FARP1: variants seen among roughly 807,000 people sequenced by gnomAD.
FARP1 encodes FERM, ARH/RhoGEF and pleckstrin domain protein 1.
In FARP1, 52 loss-of-function variants were observed where a neutral mutation model predicts 128.8. The ratio of observed to expected loss-of-function variants is 0.40; its 90% CI spans 0.32 to 0.51. FARP1 has a LOEUF of 0.51. FARP1 is among the 20% of genes least tolerant of loss of function. The probability of loss-of-function intolerance (pLI) is 0.45; values close to 1 mark genes in which losing one functional copy is unlikely to be tolerated. For synonymous variants in FARP1, 580 were observed against 551.8 expected (o/e 1.05, Z -0.72); for missense variants, 1,333 against 1,367.9 (o/e 0.97, Z 0.40).
At chr13:98,153,043 T>C (rs889519649) in intron 1 of FARP1, among the ~76,000 whole-genome samples, 6 of 151,888 alleles carry the variant, frequency 4.0e-5, no homozygotes, top group African/African-American at 1.5e-4. Context: ...ACATTTAATA[T>C]TGTTAGGAAC....
intron 1 of FARP1, among the ~76,000 whole-genome samples, chr13:98,163,527 T>C (rs1326402151): frequency 1.3e-4 from 20 of 148,364 alleles, no homozygotes; most frequent in Admixed American, 9.6e-4. Context: ...TCAAATCAAA[T>C]CCTTATTTGT....
chr13:98,343,467 A>C lies in FARP1; in HGVS notation c.172-295A>C, dbSNP rs149104086. Among the ~76,000 whole-genome samples the C allele has an allele frequency of 1.2e-3, 183 of 152,332 alleles. 1 individual carries two copies. The highest frequency in any genetic ancestry group is 3.3e-3 in the Admixed American group (50 of 15,300). ...AGAAGTTTTTGCTCAACTTTTTGTA[A>C]ACCTAAAACTACTCTAAAAAAATAG... is the stretch of plus-strand genomic sequence containing the variant. On this transcript the variant is annotated intron_variant, in intron 2 of 26. Coordinates refer to ENST00000319562, the MANE Select transcript of FARP1 (RefSeq NM_005766.4).
chr13:98,248,790 G>T (rs1883191388), intron 2 of FARP1, among the ~76,000 whole-genome samples: 1 of 151,868 alleles, frequency 6.6e-6, no homozygotes, highest in Non-Finnish European at 1.5e-5. Flanking sequence ...TCTAGTTAGT[G>T]CCGTGATTTG....
rs1355383245 is a variant in FARP1, at chr13:98,454,313, G to GGT, written c.*5997_*5998dup. The GGT allele has an allele frequency of 3.3e-5, 5 of 152,106 alleles. No individual in the cohort carries two copies. The East Asian group carries it at 9.6e-4, about 29-fold the overall frequency. 9.4% of individuals were successfully genotyped at this position (152,106 alleles called of 1,614,324 possible). ...AGAAGACAACAAAGGGTGAGAACGG[G>GGT]GTCCCCTCATGACCACAATTCCCTC... On this transcript the variant is annotated 3_prime_UTR_variant, in exon 27 of 27. Transcript: ENST00000319562.
In FARP1 at chr13:98,449,490, CGA is replaced by C. The variant is rs962144180; in HGVS notation, c.*1177_*1178del. The C allele has an allele frequency of 1.3e-5, 2 of 152,300 alleles. No individual in the cohort carries two copies. Among genetic ancestry groups the C allele is most frequent in the Admixed American group, 6.6e-5 (1 of 15,264 alleles). The allele number at this position is 152,300 out of a possible 1,614,324, so 9.4% of individuals were successfully genotyped here. On this transcript the variant is annotated 3_prime_UTR_variant, in exon 27 of 27. Transcript: ENST00000319562. ...CTTGGTTTTCCTAAGCCCTTTCTAA[CGA>C]GAGTCTCAAACAAGCGGAGGCGAGG...
chr13:98,163,738 C>T (rs1289872842), intron 1 of FARP1, among the ~76,000 whole-genome samples: 1 of 144,614 alleles, frequency 6.9e-6, no homozygotes, highest in Non-Finnish European at 1.5e-5. Flanking sequence ...GACGGAGTTT[C>T]GCTCTTGTCG....
chr13:98,230,403 C>T, intron 2 of FARP1, among the ~76,000 whole-genome samples: 1 of 152,126 alleles, frequency 6.6e-6, no homozygotes, highest in East Asian at 1.9e-4. Context: ...TAAAAGCTTC[C>T]ATCAGTCAAC....
intron 2 of FARP1, among the ~76,000 whole-genome samples, chr13:98,227,517 C>G (rs1256173683): frequency 6.6e-6 from 1 of 150,932 alleles, no homozygotes; most frequent in Non-Finnish European, 1.5e-5. Context: ...ACTCTGTGCA[C>G]TGTTGGTGAG....
At chr13:98,247,412 A>G (rs1232126443) in intron 2 of FARP1, among the ~76,000 whole-genome samples, 7 of 152,286 alleles carry the variant, frequency 4.6e-5, no homozygotes, top group Admixed American at 4.6e-4. Flanking sequence ...AGAAAGTCAC[A>G]CTAAGCTCTA....
At chr13:98,380,918 T>C (rs1452818326) in intron 6 of FARP1, among the ~76,000 whole-genome samples, 1 of 151,894 alleles carries the variant, frequency 6.6e-6, no homozygotes, top group Non-Finnish European at 1.5e-5. Context: ...AAAAAGTAAA[T>C]TAAAAAAAAT....
chr13:98,317,673 C>T (rs1307674137), intron 2 of FARP1, among the ~76,000 whole-genome samples: 1 of 152,202 alleles, frequency 6.6e-6, no homozygotes, highest in African/African-American at 2.4e-5. Flanking sequence ...TTAGGTGGGG[C>T]TGTCATAACC....
intron 2 of FARP1, among the ~76,000 whole-genome samples, chr13:98,253,245 T>C (rs916216097): frequency 6.6e-6 from 1 of 152,224 alleles, no homozygotes; most frequent in Non-Finnish European, 1.5e-5. Flanking sequence ...TGGCAAGTAG[T>C]CCTGAGTTTA....
chr13:98,203,266 A>G (rs1457451486), intron 1 of FARP1, among the ~76,000 whole-genome samples: 1 of 152,158 alleles, frequency 6.6e-6, no homozygotes, highest in African/African-American at 2.4e-5. Flanking sequence ...ACAAATCGTA[A>G]CTTTGACCTG....
At chr13:98,425,787 A>G (rs1157548593) in intron 17 of FARP1, among the ~76,000 whole-genome samples, 2 of 152,212 alleles carry the variant, frequency 1.3e-5, no homozygotes, top group African/African-American at 4.8e-5. Flanking sequence ...TTAATACTCT[A>G]CCACATTTAA....
chr13:98,360,461 C>T (rs899719347), intron 3 of FARP1, among the ~76,000 whole-genome samples: 5 of 105,914 alleles, frequency 4.7e-5, no homozygotes, highest in Non-Finnish European at 9.3e-5. Context: ...TTAAAAGAGG[C>T]CACTTGGACA....
chr13:98,438,030 G>A (rs1177272795), intron 19 of FARP1, among the ~76,000 whole-genome samples: 2 of 152,216 alleles, frequency 1.3e-5, no homozygotes, highest in African/African-American at 4.8e-5. Context: ...GGTGGCGATG[G>A]TGGGGCTACC....
chr13:98,316,137 AGT>A (rs1277520196), intron 2 of FARP1, among the ~76,000 whole-genome samples: 1 of 152,118 alleles, frequency 6.6e-6, no homozygotes, highest in Non-Finnish European at 1.5e-5. Flanking sequence ...GCTCTCATTC[AGT>A]GTGTGTCAAC....
At chr13:98,165,271 G>A (rs1212255087) in intron 1 of FARP1, among the ~76,000 whole-genome samples, 6 of 147,388 alleles carry the variant, frequency 4.1e-5, no homozygotes, top group Non-Finnish European at 5.9e-5. Flanking sequence ...TGATTGCTTC[G>A]TTGGTCTCAT....
chr13:98,419,645 A>G (rs1238248362), intron 16 of FARP1, among the ~76,000 whole-genome samples: 1 of 152,156 alleles, frequency 6.6e-6, no homozygotes. Flanking sequence ...ATAGACACAC[A>G]AACATACATA....
Sources: gnomAD v4.1 joint callset for allele counts (sites outside exome capture counted in the v4.1 genomes callset) on GRCh38, gnomAD v4.1.1 for gene constraint, MANE v1.5 for transcripts, NCBI Gene and HGNC (gene_info 2026-07-23, HGNC 2026-07-21) for gene names.